STK32C: variants seen among roughly 807,000 people sequenced by gnomAD.
The protein encoded by STK32C is serine/threonine kinase 32C, also known as serine/threonine-protein kinase 32C.
STK32C carries 31 observed loss-of-function variants against 56.5 expected under a neutral mutation model. The observed-to-expected ratio is 0.55, with a 90% CI of 0.41 to 0.74. STK32C has a LOEUF of 0.74. Among genes scored for constraint, STK32C ranks in the 30% least tolerant of loss-of-function variants. The pLI, the probability that STK32C is intolerant of heterozygous loss-of-function variation, is 0.00. For synonymous variants in STK32C, 309 were observed against 289.4 expected (o/e 1.07, Z -0.69); for missense variants, 544 against 676.9 (o/e 0.80, Z 2.18).
At chr10:132,260,892 A>G (rs2064280632) in intron 1 of STK32C, among the ~76,000 whole-genome samples, 1 of 152,216 alleles carries the variant, frequency 6.6e-6, no homozygotes, top group African/African-American at 2.4e-5. Flanking sequence ...CTGCGAGGTC[A>G]GCGCTGCCAG....
At chr10:132,256,613 C>T (rs1040499377) in intron 1 of STK32C, among the ~76,000 whole-genome samples, 1 of 152,152 alleles carries the variant, frequency 6.6e-6, no homozygotes, top group African/African-American at 2.4e-5. Context: ...TCCAGCTCCC[C>T]AAACCGCTGG....
rs528938910 is a variant in STK32C at position 132,218,695 on chromosome 10, G to A, written c.1251+3946C>T. 2.0e-5 allele frequency among the ~76,000 whole-genome samples: 3 copies of A among 152,242 alleles called. No individual in the cohort carries two copies. The South Asian group carries it at 6.2e-4, about 32-fold the overall frequency. On this transcript the variant is annotated intron_variant, in intron 10 of 11. Transcript: ENST00000298630. ...ATATGACCCAGCGGGTTCATGCCTAGGTATGTGCCCCCCAAAAATAAAAGT... is the reference window on the plus strand; with the variant it reads ...ATATGACCCAGCGGGTTCATGCCTAAGTATGTGCCCCCCAAAAATAAAAGT...
chr10:132,308,271 T>C (rs1007399714), upstream of STK32C, among the ~76,000 whole-genome samples: 1 of 151,918 alleles, frequency 6.6e-6, no homozygotes, highest in Admixed American at 6.5e-5. Context: ...GCAGGGAGCG[T>C]CCCCACGGGT....
chr10:132,288,450 T>C (rs1377856935), intron 1 of STK32C, among the ~76,000 whole-genome samples: 6 of 152,230 alleles, frequency 3.9e-5, no homozygotes, highest in African/African-American at 1.4e-4. Flanking sequence ...TGTGAGCCAG[T>C]GTAGCCAACT....
intron 1 of STK32C, among the ~76,000 whole-genome samples, chr10:132,331,010 G>A (rs1055295051): frequency 4.6e-5 from 7 of 151,002 alleles, no homozygotes; most frequent in African/African-American, 1.5e-4. Context: ...AGACCAGCCT[G>A]GCCAACATGA....
chr10:132,302,853 C>A lies in STK32C; in HGVS notation c.262+4719G>T, dbSNP rs909125139. On this transcript the variant is annotated intron_variant, in intron 1 of 11. Transcript: ENST00000298630. Reference sequence around the variant, plus strand: ...TCTCTCTTCTCTGCTCCATGAGCTCCGGCAACACCATAAGGAAAGAACGAG... The same window carrying A: ...TCTCTCTTCTCTGCTCCATGAGCTCAGGCAACACCATAAGGAAAGAACGAG... Among the ~76,000 whole-genome samples, 3 of 152,162 alleles carry A rather than the reference C, an allele frequency of 2.0e-5. No individual in the cohort carries two copies. In the South Asian group the frequency reaches 6.2e-4, roughly 32 times the overall value.
chr10:132,208,092 G>A lies in STK32C; in HGVS notation c.1379C>T (p.Ala460Val). Reference sequence around the variant, plus strand: ...CGCCTCGTCCTCCACAGGCTCCGCAGCATCCCTGGACTCAGGGGCGGGGAG... The same window carrying A: ...CGCCTCGTCCTCCACAGGCTCCGCAACATCCCTGGACTCAGGGGCGGGGAG... ...EPLPAPESRD[A>V]AEPVEDEAER... Residue 460 changes from alanine (A) to valine (V), a missense_variant, in exon 12 of 12, where the codon GCT becomes GTT. Ala to Val is a moderately conservative substitution (Grantham distance 64). This residue lies in a region of STK32C where 277 missense variants were observed against 309.3 expected (regional missense o/e 0.90). Coordinates refer to ENST00000298630, the MANE Select transcript of STK32C (RefSeq NM_173575.4). 1 of 1,311,456 alleles carries A rather than the reference G, an allele frequency of 7.6e-7. No individual in the cohort carries two copies. The highest frequency in any genetic ancestry group is 9.8e-7 in the Non-Finnish European group (1 of 1,021,624). 81.2% of individuals were successfully genotyped at this position (1,311,456 alleles called of 1,614,324 possible).
intron 11 of STK32C, among the ~76,000 whole-genome samples, chr10:132,208,564 T>C (rs2062180423): frequency 6.6e-6 from 1 of 152,108 alleles, no homozygotes; most frequent in Non-Finnish European, 1.5e-5. Context: ...CAGGAGGCCC[T>C]CCTTGCCCCG....
In STK32C at chr10:132,281,086, T is replaced by G. The variant is rs957943054; in HGVS notation, c.262+26486A>C. ...GTGATCATGCAACTACATTCTGTGA[T>G]CATGGCACTGCACTCCATGATCATG... On this transcript the variant is annotated intron_variant, in intron 1 of 11. Transcript: ENST00000298630. Among the ~76,000 whole-genome samples the G allele has an allele frequency of 1.3e-4, 20 of 149,750 alleles. 1 individual carries two copies. The highest frequency in any genetic ancestry group is 4.7e-4 in the African/African-American group (19 of 40,506).
rs1019663200 is a variant in STK32C at position 132,220,278 on chromosome 10, T to C, written c.1251+2363A>G. 3.9e-4 allele frequency among the ~76,000 whole-genome samples: 59 copies of C among 152,106 alleles called. 1 individual carries two copies. The highest frequency in any genetic ancestry group is 1.4e-3 in the African/African-American group (59 of 41,412). ...GCGAAGCAGGGGCTGGGGGGATGCG[T>C]CTAGGCCAAGGCAGCCTCTACCGGA... On this transcript the variant is annotated intron_variant, in intron 10 of 11. Coordinates refer to ENST00000298630, the MANE Select transcript of STK32C (RefSeq NM_173575.4).
rs910004946 is a variant in STK32C, at chr10:132,207,798, C to T, written c.*212G>A. On this transcript the variant is annotated 3_prime_UTR_variant, in exon 12 of 12. Coordinates refer to ENST00000298630, the MANE Select transcript of STK32C (RefSeq NM_173575.4). ...CATCTAGGCGGGTCTCGGGGGCCCACGGGAAATGCCCTCCACAGGTGTCCC... is the reference window on the plus strand; with the variant it reads ...CATCTAGGCGGGTCTCGGGGGCCCATGGGAAATGCCCTCCACAGGTGTCCC... 31 of 566,526 alleles carry T rather than the reference C, an allele frequency of 5.5e-5. No individual in the cohort carries two copies. Among genetic ancestry groups the T allele is most frequent in the South Asian group, 9.7e-5 (1 of 10,294 alleles). The allele number at this position is 566,526 out of a possible 1,614,324, so 35.1% of individuals were successfully genotyped here.
chr10:132,243,445 C>T (rs770205766), intron 2 of STK32C, among the ~76,000 whole-genome samples: 14 of 151,780 alleles, frequency 9.2e-5, no homozygotes, highest in African/African-American at 2.7e-4. Context: ...CAGGCAGGGG[C>T]GGAGGGCAGG....
chr10:132,219,141 C>T (rs2062557116), intron 10 of STK32C, among the ~76,000 whole-genome samples: 1 of 152,130 alleles, frequency 6.6e-6, no homozygotes, highest in South Asian at 2.1e-4. Context: ...GAATGCACAG[C>T]CCTGTGACTA....
At chr10:132,331,292 T>C in intron 1 of STK32C, 1 of 705,184 alleles carries the variant, frequency 1.4e-6, no homozygotes. Flanking sequence ...GGACAGAGGG[T>C]GCTACTTTTC....
At position 132,207,896 on chromosome 10, in the gene STK32C, C is replaced by T. The variant is rs1055029836; in HGVS notation, c.*114G>A. 8 of 1,190,326 alleles carry T rather than the reference C, an allele frequency of 6.7e-6. No individual in the cohort carries two copies. The highest frequency in any genetic ancestry group is 8.5e-6 in the Non-Finnish European group (8 of 944,066). 73.7% of individuals were successfully genotyped at this position (1,190,326 alleles called of 1,614,324 possible). A position where few individuals can be genotyped will look rare whatever the true frequency, so the allele number is the denominator to read the frequency against. On this transcript the variant is annotated 3_prime_UTR_variant, in exon 12 of 12. Coordinates refer to ENST00000298630, the MANE Select transcript of STK32C (RefSeq NM_173575.4). ...TGAAATGTGTCCGGGGCACTGTGGG[C>T]ACCGCCAGCCAGGCTGGGTGGGAAC...
chr10:132,253,564 C>G lies in STK32C; in HGVS notation c.263-7609G>C, dbSNP rs1187650907. Among the ~76,000 whole-genome samples, 1,113 of 117,884 alleles carry G rather than the reference C, an allele frequency of 9.4e-3. 21 individuals carry two copies. The highest frequency in any genetic ancestry group is 0.038 in the African/African-American group (890 of 23,332). 77.3% of individuals were successfully genotyped at this position (117,884 alleles called of 152,430 possible). A position where few individuals can be genotyped will look rare whatever the true frequency, so the allele number is the denominator to read the frequency against. ...GGGAGTCGAGGGAGCTGGAGGGAGTCGAGGGAGCTGGAGGGAGCTGGAGGG... is the reference window on the plus strand; with the variant it reads ...GGGAGTCGAGGGAGCTGGAGGGAGTGGAGGGAGCTGGAGGGAGCTGGAGGG... On this transcript the variant is annotated intron_variant, in intron 1 of 11. Transcript: ENST00000298630.
downstream of STK32C, among the ~76,000 whole-genome samples, chr10:132,319,063 C>T (rs1317145183): frequency 6.6e-6 from 1 of 152,202 alleles, no homozygotes; most frequent in East Asian, 1.9e-4. Context: ...ATTCTCCTGC[C>T]TCAGCCTCCC....
At chr10:132,296,414 C>T (rs904214011) in intron 1 of STK32C, among the ~76,000 whole-genome samples, 1 of 151,882 alleles carries the variant, frequency 6.6e-6, no homozygotes, top group African/African-American at 2.4e-5. Context: ...ACAAATGTAC[C>T]CGGTTAATGC....
chr10:132,302,428 T>G (rs117015819), intron 1 of STK32C, among the ~76,000 whole-genome samples: 4,459 of 152,272 alleles, frequency 0.029, 97 homozygotes, highest in Non-Finnish European at 0.045. Flanking sequence ...GGCATCAAGC[T>G]GCACAGCTGC....
Sources: allele counts gnomAD v4.1 joint callset (sites outside exome capture counted in the v4.1 genomes callset), GRCh38; gene constraint gnomAD v4.1.1; regional missense constraint gnomAD v4.1.1; transcripts MANE v1.5; gene names NCBI Gene and HGNC (gene_info 2026-07-23, HGNC 2026-07-21).